The following MAGEB10 variants were observed in gnomAD, a reference collection of about 807,000 sequenced individuals.
MAGEB10 encodes the protein melanoma-associated antigen B10.
For synonymous variants in MAGEB10, 99 were observed against 101.0 expected (o/e 0.98, Z 0.12); for missense variants, 190 against 261.9 (o/e 0.73, Z 1.89).
chrX:27,822,081 G>C lies in MAGEB10; in HGVS notation c.775G>C (p.Glu259Gln), dbSNP rs1295255464. Reference sequence around the variant, plus strand: ...AGATTTGGTGAAAGAAAATTACCTGGAGTACCAGCAAGTGCCCAACAGTGA... The same window carrying C: ...AGATTTGGTGAAAGAAAATTACCTGCAGTACCAGCAAGTGCCCAACAGTGA... ...TKDLVKENYL[E>Q]YQQVPNSDPP... Residue 259 changes from glutamate to glutamine, a missense_variant, in exon 3 of 3, where the codon GAG becomes CAG. By Grantham distance (29) the Glu-to-Gln change is conservative (BLOSUM62 2). Coordinates refer to ENST00000356790, the MANE Select transcript of MAGEB10 (RefSeq NM_182506.3). 1 of 1,210,466 alleles carries C rather than the reference G, an allele frequency of 8.3e-7. No individual in the cohort carries two copies. Among genetic ancestry groups the C allele is most frequent in the Non-Finnish European group, 1.1e-6 (1 of 895,444 alleles).
chrX:27,811,314 AG>A (rs764235336), intron 1 of MAGEB10, among the ~76,000 whole-genome samples: 2 of 110,783 alleles, frequency 1.8e-5, no homozygotes, highest in Non-Finnish European at 3.8e-5. Context: ...GCAAAAGTAA[AG>A]ACTGAGGACT....
intron 1 of MAGEB10, among the ~76,000 whole-genome samples, chrX:27,810,426 G>A (rs746824286): frequency 1.7e-4 from 19 of 111,713 alleles, no homozygotes; most frequent in Non-Finnish European, 3.2e-4. Context: ...CACCAATTCC[G>A]GACACACTAT....
At chrX:27,819,728 C>G (rs923522991) in intron 2 of MAGEB10, among the ~76,000 whole-genome samples, 2 of 111,364 alleles carry the variant, frequency 1.8e-5, no homozygotes, top group Non-Finnish European at 3.8e-5. Flanking sequence ...GGCAACTATC[C>G]ACACCAGATC....
Position 27,820,707 on chromosome X carries a change from G to A in MAGEB10, c.-49-551G>A, listed in dbSNP as rs143747503. On this transcript the variant is annotated intron_variant, in intron 2 of 2. Coordinates refer to ENST00000356790, the MANE Select transcript of MAGEB10 (RefSeq NM_182506.3). Reference sequence around the variant, plus strand: ...GGGATAGGTCTCAGGCCATCACAGGGTGAAGTCCCAGGGCCTAGCAGAAGC... The same window carrying A: ...GGGATAGGTCTCAGGCCATCACAGGATGAAGTCCCAGGGCCTAGCAGAAGC... Among the ~76,000 whole-genome samples, 290 of 111,230 alleles carry A rather than the reference G, an allele frequency of 2.6e-3. 3 individuals are homozygous for A. The highest frequency in any genetic ancestry group is 8.8e-3 in the African/African-American group (270 of 30,572).
In MAGEB10 at chrX:27,821,708, G is replaced by A. The variant is rs1395157476; in HGVS notation, c.402G>A (p.Lys134=). The A allele has an allele frequency of 5.0e-6, 6 of 1,210,201 alleles. No homozygotes were observed. The highest frequency in any genetic ancestry group is 4.4e-5 in the Admixed American group (2 of 45,777). ...YKYQMKEPIT[K]ADMLRNVTQM... ...ACCAAATGAAAGAGCCCATTACAAA[G>A]GCAGATATGCTGAGAAATGTAACCC... Residue 134 remains lysine, a synonymous_variant, in exon 3 of 3, where the codon AAG becomes AAA. Transcript: ENST00000356790.
At chrX:27,813,376 T>C (rs1486247725) in intron 1 of MAGEB10, among the ~76,000 whole-genome samples, 1 of 112,359 alleles carries the variant, frequency 8.9e-6, no homozygotes, top group Non-Finnish European at 1.9e-5. Flanking sequence ...TTAGATATGA[T>C]TAGTTTATTC....
rs1186539834 is a variant in MAGEB10 at position 27,808,048 on chromosome X, A to T, written c.-199+12A>T. The T allele has an allele frequency of 2.7e-5, 3 of 112,748 alleles. No homozygotes were observed. Among genetic ancestry groups the T allele is most frequent in the African/African-American group, 6.4e-5 (2 of 31,033 alleles). The allele number at this position is 112,748 out of a possible 1,213,427, so 9.3% of individuals were successfully genotyped here. On this transcript the variant is annotated intron_variant, in intron 1 of 2. Coordinates refer to ENST00000356790, the MANE Select transcript of MAGEB10 (RefSeq NM_182506.3). Reference sequence around the variant, plus strand: ...GGCCCCGCCAGGAGGTAAGGCAAAGACACTGAATAGCATTTGAGGGGACCC... The same window carrying T: ...GGCCCCGCCAGGAGGTAAGGCAAAGTCACTGAATAGCATTTGAGGGGACCC...
intron 1 of MAGEB10, among the ~76,000 whole-genome samples, chrX:27,814,525 C>T (rs932947679): frequency 2.7e-5 from 3 of 111,884 alleles, no homozygotes; most frequent in African/African-American, 9.8e-5. Context: ...TGTGCTGTAT[C>T]ATAGAGTGCT....
At chrX:27,812,509 C>T (rs1602862081) in intron 1 of MAGEB10, 3 of 162,302 alleles carry the variant, frequency 1.8e-5, no homozygotes, top group South Asian at 1.2e-4. Context: ...ATCCTGAGTG[C>T]GATCTTCAGC....
chrX:27,819,281 C>A (rs1167879987), intron 2 of MAGEB10, among the ~76,000 whole-genome samples: 1 of 110,562 alleles, frequency 9.0e-6, no homozygotes, highest in Non-Finnish European at 1.9e-5. Context: ...TCCCTACTCC[C>A]ACAAAACACA....
Position 27,821,333 on chromosome X carries a change from C to T in MAGEB10, c.27C>T (p.Leu9=). The stretch of plus-strand genomic sequence containing the variant: ...TGCCTCGAGGTCAGAAGAGTAAACT[C>T]CGTGCCAGGGAAAAACGCCGTCAGG... MPRGQKSK[L]RAREKRRQAR... is the part of the protein sequence containing the mutation. The change falls in exon 3 of 3, where the codon CTC becomes CTT. Residue 9 remains leucine, a synonymous_variant. Coordinates refer to ENST00000356790, the MANE Select transcript of MAGEB10 (RefSeq NM_182506.3). 2 of 1,211,092 alleles carry T rather than the reference C, an allele frequency of 1.7e-6. No homozygotes were observed. The highest frequency in any genetic ancestry group is 2.2e-6 in the Non-Finnish European group (2 of 894,939).
intron 1 of MAGEB10, among the ~76,000 whole-genome samples, chrX:27,815,272 C>T (rs1340891915): frequency 1.8e-5 from 2 of 112,495 alleles, no homozygotes; most frequent in Non-Finnish European, 3.8e-5. Context: ...TGACTTAGAG[C>T]TTTCCAACTC....
intron 1 of MAGEB10, among the ~76,000 whole-genome samples, chrX:27,813,956 G>C (rs992051968): frequency 1.8e-5 from 2 of 111,806 alleles, no homozygotes; most frequent in African/African-American, 3.3e-5. Context: ...ATCAGCTCCA[G>C]GGACCTTCTG....
Position 27,821,567 on chromosome X carries a change from C to T in MAGEB10, c.261C>T (p.Asn87=), listed in dbSNP as rs370764618. The part of the protein sequence containing the change: ...ASHTRHPEGV[N]DQMEERPICT... ...ACACAAGACATCCCGAAGGAGTCAACGACCAAATGGAAGAAAGGCCAATAT... is the reference window on the plus strand; with the variant it reads ...ACACAAGACATCCCGAAGGAGTCAATGACCAAATGGAAGAAAGGCCAATAT... Residue 87 remains asparagine (N), a synonymous_variant, in exon 3 of 3, where the codon AAC becomes AAT. Transcript: ENST00000356790. 2.4e-5 allele frequency: 29 copies of T among 1,208,064 alleles called. No homozygotes were observed. Among genetic ancestry groups the T allele is most frequent in the Non-Finnish European group, 3.2e-5 (29 of 894,358 alleles).
chrX:27,815,606 A>G (rs1923770113), intron 1 of MAGEB10, among the ~76,000 whole-genome samples: 1 of 112,234 alleles, frequency 8.9e-6, no homozygotes, highest in Non-Finnish European at 1.9e-5. Flanking sequence ...TGAATGGTGA[A>G]AATATCGAAG....
At chrX:27,812,600 C>T (rs1350230691) in intron 1 of MAGEB10, 1 of 203,465 alleles carries the variant, frequency 4.9e-6, no homozygotes, top group Non-Finnish European at 9.8e-6. Flanking sequence ...AGCACGTCAT[C>T]TATGGAGAGC....
chrX:27,816,062 T>C (rs1420051303), intron 1 of MAGEB10, among the ~76,000 whole-genome samples: 2 of 110,983 alleles, frequency 1.8e-5, no homozygotes, highest in Non-Finnish European at 3.8e-5. Flanking sequence ...TACTTTTGAG[T>C]CAGACTTGGG....
chrX:27,810,296 C>T (rs2147390258), intron 1 of MAGEB10, among the ~76,000 whole-genome samples: 1 of 111,936 alleles, frequency 8.9e-6, no homozygotes, highest in Non-Finnish European at 1.9e-5. Flanking sequence ...GACCACGAAC[C>T]CACCAGAAGG....
intron 2 of MAGEB10, among the ~76,000 whole-genome samples, chrX:27,818,850 A>G (rs1323666708): frequency 9.0e-6 from 1 of 111,599 alleles, no homozygotes; most frequent in East Asian, 2.8e-4. Flanking sequence ...ATAAAGGGGG[A>G]TTCTGCACTA....
Sources: gnomAD v4.1 joint callset for allele counts (sites outside exome capture counted in the v4.1 genomes callset) on GRCh38, gnomAD v4.1.1 for gene constraint, MANE v1.5 for transcripts, NCBI Gene and HGNC (gene_info 2026-07-23, HGNC 2026-07-21) for gene names.